The following GLI3 variants were observed in gnomAD, a reference collection of about 807,000 sequenced individuals.
GLI3 encodes transcription activator GLI3.
In GLI3, 20 loss-of-function variants were observed where a neutral mutation model predicts 100.8. The observed-to-expected ratio is 0.20, with a 90% CI of 0.14 to 0.29. GLI3 has a LOEUF of 0.29. GLI3 is among the 10% of genes least tolerant of loss of function. The probability of loss-of-function intolerance (pLI) is 1.00; values close to 1 mark genes in which losing one functional copy is unlikely to be tolerated. For missense variants in GLI3, 2,040 were observed against 2,128.5 expected (o/e 0.96, Z 0.82); for synonymous variants, 938 against 860.5 (o/e 1.09, Z -1.58).
At chr7:42,043,606 G>T (rs937655349) in intron 6 of GLI3, among the ~76,000 whole-genome samples, 1 of 152,126 alleles carries the variant, frequency 6.6e-6, no homozygotes, top group Non-Finnish European at 1.5e-5. Flanking sequence ...GAAAAAAGAG[G>T]TTTATTTTTA....
intron 1 of GLI3, among the ~76,000 whole-genome samples, chr7:42,263,156 G>A (rs1477300990): frequency 1.3e-5 from 2 of 152,162 alleles, no homozygotes; most frequent in African/African-American, 4.8e-5. Flanking sequence ...AGCATAGCTG[G>A]TCTCGTGTAC....
intron 3 of GLI3, among the ~76,000 whole-genome samples, chr7:42,130,724 T>G (rs1271099702): frequency 1.3e-5 from 2 of 152,070 alleles, no homozygotes; most frequent in Non-Finnish European, 2.9e-5. Context: ...AAAGATAGAA[T>G]AGAAATCATC....
At chr7:42,151,465 GAGTC>G (rs1227296592) in intron 2 of GLI3, 1 of 152,202 alleles carries the variant, frequency 6.6e-6, no homozygotes, top group African/African-American at 2.4e-5. Context: ...TAAAGTTTGA[GAGTC>G]AGTGCAGACA....
chr7:42,174,087 G>C (rs1489962408), intron 2 of GLI3, among the ~76,000 whole-genome samples: 2 of 152,092 alleles, frequency 1.3e-5, no homozygotes, highest in Non-Finnish European at 2.9e-5. Context: ...ATGGTTTCAA[G>C]TATTCCATAG....
At chr7:42,185,904 C>G (rs1409977810) in intron 2 of GLI3, among the ~76,000 whole-genome samples, 1 of 152,212 alleles carries the variant, frequency 6.6e-6, no homozygotes, top group Non-Finnish European at 1.5e-5. Context: ...GCTAGGCTCC[C>G]TCTTTGGGCC....
In GLI3 at chr7:42,192,607, G is replaced by A. The variant is rs148252557; in HGVS notation, c.124+30523C>T. 2.6e-4 allele frequency among the ~76,000 whole-genome samples: 40 copies of A among 152,342 alleles called. No individual in the cohort carries two copies. In the East Asian group the frequency reaches 7.7e-3, roughly 29 times the overall value. ...ACAAAACAAAAAAGAACCAAAGAGA[G>A]ATGGGGGCGCTGGAAAGAGGATGAT... On this transcript the variant is annotated intron_variant, in intron 2 of 14. Transcript: ENST00000395925.
chr7:42,136,056 G>C (rs1441682400), intron 3 of GLI3, among the ~76,000 whole-genome samples: 2 of 152,204 alleles, frequency 1.3e-5, no homozygotes, highest in Non-Finnish European at 2.9e-5. Context: ...TGTATGGCTG[G>C]TAGAGCTGGT....
chr7:41,992,902 G>A (rs1321238855), intron 10 of GLI3, among the ~76,000 whole-genome samples: 1 of 152,196 alleles, frequency 6.6e-6, no homozygotes, highest in African/African-American at 2.4e-5. Context: ...AGGAAAACTG[G>A]TTCATTTGAA....
intron 3 of GLI3, among the ~76,000 whole-genome samples, chr7:42,118,723 G>A (rs559698220): frequency 1.3e-5 from 2 of 152,186 alleles, no homozygotes; most frequent in Non-Finnish European, 2.9e-5. Context: ...GGGCCCAGTG[G>A]CCTTCTGATT....
chr7:42,176,956 C>A (rs3823731), intron 2 of GLI3, among the ~76,000 whole-genome samples: 15,392 of 152,280 alleles, frequency 0.1, 901 homozygotes, highest in South Asian at 0.21. Flanking sequence ...AACTGAGGAG[C>A]CAGACTGGAA....
At chr7:42,000,957 A>T (rs75469720) in intron 10 of GLI3, among the ~76,000 whole-genome samples, 2 of 152,262 alleles carry the variant, frequency 1.3e-5, no homozygotes, top group Non-Finnish European at 2.9e-5. Flanking sequence ...AGAAAAAAAA[A>T]GGAGGAGGGC....
chr7:42,019,162 G>A (rs554523170), intron 10 of GLI3, among the ~76,000 whole-genome samples: 16 of 152,078 alleles, frequency 1.1e-4, no homozygotes, highest in Non-Finnish European at 8.8e-5. Context: ...TTATTCTTTC[G>A]ATCTCAGCAC....
At chr7:42,032,928 G>A (rs1198381467) in intron 7 of GLI3, among the ~76,000 whole-genome samples, 2 of 152,082 alleles carry the variant, frequency 1.3e-5, no homozygotes, top group Non-Finnish European at 2.9e-5. Context: ...TCCTAGAGTT[G>A]CCATGGAATA....
chr7:42,206,046 T>C (rs1416072696), intron 2 of GLI3, among the ~76,000 whole-genome samples: 2 of 152,158 alleles, frequency 1.3e-5, no homozygotes, highest in African/African-American at 4.8e-5. Flanking sequence ...GGCTGGTGGA[T>C]CATCTGAGGT....
chr7:42,064,493 T>G (rs1261469395), intron 4 of GLI3, among the ~76,000 whole-genome samples: 1 of 152,134 alleles, frequency 6.6e-6, no homozygotes, highest in African/African-American at 2.4e-5. Context: ...GATTAACTTG[T>G]TTTACGAAGA....
intron 10 of GLI3, among the ~76,000 whole-genome samples, chr7:42,001,916 G>A (rs1374223085): frequency 6.6e-6 from 1 of 152,096 alleles, no homozygotes; most frequent in African/African-American, 2.4e-5. Flanking sequence ...TGGGGGGCAA[G>A]GAGTGATATT....
At chr7:41,980,354 C>T (rs892846174) in intron 10 of GLI3, among the ~76,000 whole-genome samples, 16 of 152,304 alleles carry the variant, frequency 1.1e-4, no homozygotes, top group Non-Finnish European at 8.8e-5. Flanking sequence ...TCAATCCGCA[C>T]GTCTGCTTCT....
rs530043265 is a variant in GLI3 at position 42,007,032 on chromosome 7, A to C, written c.1497+16436T>G. Among the ~76,000 whole-genome samples the C allele has an allele frequency of 7.2e-5, 11 of 152,204 alleles. No individual in the cohort carries two copies. In the East Asian group the frequency reaches 1.9e-3, roughly 27 times the overall value. ...AGGTGAGGCTCTCCCAGGTGTTTTT[A>C]GCTCAGCCTCAGCTTAGAGCCAACA... On this transcript the variant is annotated intron_variant, in intron 10 of 14. Coordinates refer to ENST00000395925, the MANE Select transcript of GLI3 (RefSeq NM_000168.6).
At chr7:42,010,861 C>T (rs1478478817) in intron 10 of GLI3, among the ~76,000 whole-genome samples, 1 of 152,136 alleles carries the variant, frequency 6.6e-6, no homozygotes, top group Non-Finnish European at 1.5e-5. Flanking sequence ...GCTAGACCTC[C>T]TTGTAGTTGG....
Sources: gnomAD v4.1 joint callset for allele counts (sites outside exome capture counted in the v4.1 genomes callset) on GRCh38, gnomAD v4.1.1 for gene constraint, MANE v1.5 for transcripts, NCBI Gene and HGNC (gene_info 2026-07-23, HGNC 2026-07-21) for gene names.